The following GPATCH8 variants were observed in gnomAD, a reference collection of about 807,000 sequenced individuals.
GPATCH8 encodes the protein G-patch domain containing 8.
In GPATCH8, 18 loss-of-function variants were observed where a neutral mutation model predicts 118.3. The observed-to-expected ratio is 0.15, with a 90% CI of 0.11 to 0.23. GPATCH8 has a LOEUF of 0.23. Ranked by LOEUF, GPATCH8 falls within the 10% of genes least tolerant of loss-of-function variation. The pLI is 1.00. For synonymous variants in GPATCH8, 659 were observed against 684.7 expected (o/e 0.96, Z 0.59); for missense variants, 1,631 against 1,873.8 (o/e 0.87, Z 2.39).
chr17:44,402,019 A>T (rs961700725), intron 7 of GPATCH8, among the ~76,000 whole-genome samples: 8 of 116,934 alleles, frequency 6.8e-5, no homozygotes, highest in African/African-American at 1.4e-4. Flanking sequence ...AATTAAAAAA[A>T]AAAATAAAAA....
chr17:44,424,974 C>T (rs944527979), intron 5 of GPATCH8, among the ~76,000 whole-genome samples: 1 of 152,044 alleles, frequency 6.6e-6, no homozygotes, highest in Admixed American at 6.6e-5. Flanking sequence ...CTGGTCTCAG[C>T]GAGATTGAAA....
intron 7 of GPATCH8, 66 bp downstream of exon 7, chr17:44,405,855 A>G: frequency 8.7e-7 from 1 of 1,152,550 alleles, no homozygotes; most frequent in Non-Finnish European, 1.3e-6. Context: ...ATAATCTGAA[A>G]TCTATAATTT....
Position 44,395,717 on chromosome 17 carries a change from T to C in GPATCH8, c.*1851A>G, listed in dbSNP as rs1193060568. 7 of 454,136 alleles carry C rather than the reference T, an allele frequency of 1.5e-5. No individual in the cohort carries two copies. Among genetic ancestry groups the C allele is most frequent in the Admixed American group, 1.2e-4 (5 of 42,574 alleles). 28.1% of individuals were successfully genotyped at this position (454,136 alleles called of 1,614,324 possible). The stretch of plus-strand genomic sequence containing the variant: ...CTTTCTTTTCATAAACTTTACTCTT[T>C]TGAGAATTTGCGAAGGCAGGAACAG... On this transcript the variant is annotated 3_prime_UTR_variant, in exon 8 of 8. Coordinates refer to ENST00000591680, the MANE Select transcript of GPATCH8 (RefSeq NM_001002909.4).
chr17:44,414,406 A>G (rs1219307145), intron 6 of GPATCH8, among the ~76,000 whole-genome samples: 1 of 151,950 alleles, frequency 6.6e-6, no homozygotes, highest in East Asian at 1.9e-4. Context: ...TCCCAGGCTC[A>G]AGTGATCCTT....
intron 1 of GPATCH8, among the ~76,000 whole-genome samples, chr17:44,481,816 A>G (rs1011030334): frequency 2.6e-5 from 4 of 152,170 alleles, no homozygotes; most frequent in Non-Finnish European, 5.9e-5. Flanking sequence ...AGAATCTATA[A>G]ATGTGTTAAA....
At chr17:44,498,915 A>G (rs1969861575) in intron 1 of GPATCH8, among the ~76,000 whole-genome samples, 1 of 152,244 alleles carries the variant, frequency 6.6e-6, no homozygotes, top group African/African-American at 2.4e-5. Context: ...TCTTCACTTA[A>G]TAGTCTCAAC....
At chr17:44,414,004 C>T (rs577934126) in intron 6 of GPATCH8, among the ~76,000 whole-genome samples, 14 of 151,080 alleles carry the variant, frequency 9.3e-5, no homozygotes, top group East Asian at 3.9e-4. Flanking sequence ...TTCAGCAAAA[C>T]TCCTTAAAAG....
chr17:44,452,707 G>C (rs1011872924), intron 3 of GPATCH8, among the ~76,000 whole-genome samples: 3 of 152,140 alleles, frequency 2.0e-5, no homozygotes, highest in African/African-American at 7.2e-5. Flanking sequence ...ATAATGAAAA[G>C]AGATTTCGAT....
At position 44,398,787 on chromosome 17, in the gene GPATCH8, A is replaced by G. The variant is rs2048883129; in HGVS notation, c.3290T>C (p.Ile1097Thr). ...SVTAKLLLEK[I>T]QSRKVERKPS... ...TTTCCTCTCCACTTTCCTTGACTGG[A>G]TCTTCTCCAGTAGCAGTTTGGCAGT... Residue 1097 changes from isoleucine (I) to threonine (T), a missense_variant, in exon 8 of 8, where the codon ATC (isoleucine) becomes ACC (threonine). This residue lies in a region of GPATCH8 where 922 missense variants were observed against 879.7 expected (regional missense o/e 1.05). Coordinates refer to ENST00000591680, the MANE Select transcript of GPATCH8 (RefSeq NM_001002909.4). 1 of 1,613,804 alleles carries G rather than the reference A, an allele frequency of 6.2e-7. No homozygotes were observed. Among genetic ancestry groups the G allele is most frequent in the Non-Finnish European group, 8.5e-7 (1 of 1,179,822 alleles).
chr17:44,502,423 A>G (rs1220557744), intron 1 of GPATCH8, among the ~76,000 whole-genome samples: 1 of 151,688 alleles, frequency 6.6e-6, no homozygotes, highest in Non-Finnish European at 1.5e-5. Context: ...TCTCTACTAA[A>G]TCCCTTTTAG....
At chr17:44,495,871 G>A (rs1438017124) in intron 1 of GPATCH8, among the ~76,000 whole-genome samples, 1 of 151,694 alleles carries the variant, frequency 6.6e-6, no homozygotes, top group Admixed American at 6.6e-5. Context: ...TTCTTTTTTT[G>A]TTTTGTTTGG....
At chr17:44,419,859 C>T (rs866067968) in intron 6 of GPATCH8, among the ~76,000 whole-genome samples, 22 of 152,158 alleles carry the variant, frequency 1.4e-4, no homozygotes, top group African/African-American at 4.8e-4. Flanking sequence ...AGGGAAGAGA[C>T]GAACTATGAA....
chr17:44,420,147 A>G (rs779209452), intron 6 of GPATCH8, among the ~76,000 whole-genome samples: 1 of 152,062 alleles, frequency 6.6e-6, no homozygotes, highest in Non-Finnish European at 1.5e-5. Flanking sequence ...GGGATCACAG[A>G]TATATATTCT....
chr17:44,403,251 T>A (rs1050101940), intron 7 of GPATCH8, among the ~76,000 whole-genome samples: 2 of 152,160 alleles, frequency 1.3e-5, no homozygotes, highest in Non-Finnish European at 2.9e-5. Context: ...AATTTTTGTA[T>A]TTTTAGTAGA....
chr17:44,435,617 A>G (rs1436382481), intron 4 of GPATCH8, among the ~76,000 whole-genome samples: 2 of 149,164 alleles, frequency 1.3e-5, no homozygotes, highest in Non-Finnish European at 3.0e-5. Context: ...GAGTTTCATC[A>G]TGTTGGCCAG....
chr17:44,474,629 AT>A (rs1195276949), intron 2 of GPATCH8, 199 bp downstream of exon 2: 10 of 666,588 alleles, frequency 1.5e-5, no homozygotes, highest in East Asian at 8.4e-5. Flanking sequence ...GTGTTTCTAG[AT>A]TTTTTTGGAC....
intron 6 of GPATCH8, among the ~76,000 whole-genome samples, chr17:44,410,782 A>G (rs60429740): frequency 6.6e-6 from 1 of 152,330 alleles, no homozygotes; most frequent in East Asian, 1.9e-4. Flanking sequence ...CAGATCCTTA[A>G]TCACATGGTG....
intron 7 of GPATCH8, among the ~76,000 whole-genome samples, chr17:44,402,257 G>T (rs191714103): frequency 6.7e-6 from 1 of 149,432 alleles, no homozygotes; most frequent in Non-Finnish European, 1.5e-5. Flanking sequence ...GAGAGGCAGA[G>T]GTTGCAGTGA....
intron 5 of GPATCH8, among the ~76,000 whole-genome samples, 184 bp downstream of exon 5, chr17:44,434,881 T>G (rs962359459): frequency 6.6e-6 from 1 of 152,226 alleles, no homozygotes; most frequent in African/African-American, 2.4e-5. Context: ...TAGGTATTAT[T>G]ATCTCTATAG....
Sources: gnomAD v4.1 joint callset for allele counts (sites outside exome capture counted in the v4.1 genomes callset) on GRCh38, gnomAD v4.1.1 for gene constraint, gnomAD v4.1.1 regional missense constraint, MANE v1.5 for transcripts, NCBI Gene and HGNC (gene_info 2026-07-23, HGNC 2026-07-21) for gene names.